NSMCE2: variants seen among roughly 807,000 people sequenced by gnomAD.
NSMCE2 encodes the protein NSE2 SUMO ligase component of SMC5/6 complex.
NSMCE2 carries 24 observed loss-of-function variants against 23.8 expected under a neutral mutation model. The observed-to-expected ratio is 1.01, with a 90% CI of 0.73 to 1.42. The LOEUF (loss-of-function observed/expected upper bound fraction) is 1.42, where lower values mean the gene tolerates loss of function less well. NSMCE2 is among the 40% of genes most tolerant of loss of function. The probability of loss-of-function intolerance (pLI) is 0.00; values close to 1 mark genes in which losing one functional copy is unlikely to be tolerated. For synonymous variants in NSMCE2, 92 were observed against 94.1 expected (o/e 0.98, Z 0.13); for missense variants, 284 against 296.5 (o/e 0.96, Z 0.31).
At chr8:125,278,173 A>G (rs1177961042) in intron 5 of NSMCE2, among the ~76,000 whole-genome samples, 1 of 152,150 alleles carries the variant, frequency 6.6e-6, no homozygotes, top group African/African-American at 2.4e-5. Flanking sequence ...GGTATTTTAC[A>G]TTATTATTTT....
intron 5 of NSMCE2, among the ~76,000 whole-genome samples, chr8:125,213,478 C>T (rs889737472): frequency 6.8e-6 from 1 of 146,416 alleles, no homozygotes; most frequent in Non-Finnish European, 1.5e-5. Flanking sequence ...CTACCTAAGG[C>T]ACCCATGTCT....
At chr8:125,260,805 G>C (rs1460664581) in intron 5 of NSMCE2, among the ~76,000 whole-genome samples, 3 of 151,548 alleles carry the variant, frequency 2.0e-5, no homozygotes, top group Non-Finnish European at 4.4e-5. Context: ...TGTATTTTTA[G>C]TAGAGGTGAG....
chr8:125,203,192 T>TAA (rs562376977), intron 5 of NSMCE2, among the ~76,000 whole-genome samples: 1 of 144,938 alleles, frequency 6.9e-6, no homozygotes, highest in Non-Finnish European at 1.5e-5. Context: ...AGTTAGCCTT[T>TAA]AAAAAAAAAA....
intron 5 of NSMCE2, among the ~76,000 whole-genome samples, chr8:125,334,462 A>T (rs967739273): frequency 2.0e-5 from 3 of 152,114 alleles, no homozygotes; most frequent in Non-Finnish European, 2.9e-5. Flanking sequence ...GCATGGGGAC[A>T]CCCATTCTGC....
At chr8:125,197,963 G>A (rs1823698057) in intron 5 of NSMCE2, among the ~76,000 whole-genome samples, 1 of 152,090 alleles carries the variant, frequency 6.6e-6, no homozygotes, top group Admixed American at 6.5e-5. Context: ...ATTGTGAATG[G>A]GAGTTCACTC....
At chr8:125,300,585 C>T (rs1315891803) in intron 5 of NSMCE2, among the ~76,000 whole-genome samples, 1 of 152,204 alleles carries the variant, frequency 6.6e-6, no homozygotes, top group Non-Finnish European at 1.5e-5. Flanking sequence ...ATTTATTGAG[C>T]ATCTCTTATT....
intron 1 of NSMCE2, among the ~76,000 whole-genome samples, chr8:125,097,756 G>A (rs1818004455): frequency 6.6e-6 from 1 of 152,124 alleles, no homozygotes; most frequent in Non-Finnish European, 1.5e-5. Flanking sequence ...GCAGAAAGGA[G>A]TTATGTTTAT....
chr8:125,179,413 C>G (rs1467912693), intron 4 of NSMCE2, among the ~76,000 whole-genome samples: 1 of 152,120 alleles, frequency 6.6e-6, no homozygotes, highest in East Asian at 1.9e-4. Flanking sequence ...ACATGATTAG[C>G]CACTCAATTT....
intron 5 of NSMCE2, among the ~76,000 whole-genome samples, chr8:125,247,580 C>G (rs898414488): frequency 6.6e-6 from 1 of 152,078 alleles, no homozygotes; most frequent in Admixed American, 6.6e-5. Flanking sequence ...TAAAAATTAG[C>G]TGGGTATGGT....
intron 7 of NSMCE2, 99 bp downstream of exon 7, chr8:125,357,917 T>A (rs1813355193): frequency 1.3e-6 from 1 of 788,560 alleles, no homozygotes; most frequent in Admixed American, 2.3e-5. Context: ...ATGTCTCTTC[T>A]AAATTCCGTT....
At chr8:125,289,031 A>G (rs955390325) in intron 5 of NSMCE2, among the ~76,000 whole-genome samples, 2 of 152,054 alleles carry the variant, frequency 1.3e-5, no homozygotes, top group Admixed American at 6.6e-5. Flanking sequence ...AGCTCAAGCA[A>G]TCCTGCCTTA....
intron 4 of NSMCE2, among the ~76,000 whole-genome samples, chr8:125,160,289 A>G (rs986720127): frequency 1.3e-5 from 2 of 152,216 alleles, no homozygotes; most frequent in Non-Finnish European, 2.9e-5. Flanking sequence ...AAGGTTGCCT[A>G]GAACGTTCTG....
intron 5 of NSMCE2, among the ~76,000 whole-genome samples, chr8:125,183,118 C>T (rs60474927): frequency 0.034 from 5,250 of 152,218 alleles, 291 homozygotes; most frequent in African/African-American, 0.12. Context: ...CATTTACACA[C>T]ACATGGAGCA....
chr8:125,143,591 C>T (rs1352280474), intron 3 of NSMCE2, among the ~76,000 whole-genome samples: 1 of 152,122 alleles, frequency 6.6e-6, no homozygotes, highest in Admixed American at 6.5e-5. Context: ...TAATAAAATG[C>T]GTGGAGTTGA....
intron 3 of NSMCE2, among the ~76,000 whole-genome samples, chr8:125,132,476 T>A (rs1366571492): frequency 6.7e-6 from 1 of 149,066 alleles, no homozygotes; most frequent in Non-Finnish European, 1.5e-5. Context: ...TTAAGACAAT[T>A]TTTAAATTAA....
At chr8:125,246,611 C>G (rs779811789) in intron 5 of NSMCE2, among the ~76,000 whole-genome samples, 4 of 152,198 alleles carry the variant, frequency 2.6e-5, no homozygotes, top group Non-Finnish European at 4.4e-5. Context: ...ATATTTATCA[C>G]TCAATACTGT....
chr8:125,105,881 A>G (rs1043506957), intron 3 of NSMCE2, among the ~76,000 whole-genome samples: 6 of 152,238 alleles, frequency 3.9e-5, no homozygotes, highest in African/African-American at 1.4e-4. Flanking sequence ...ATTTTACAGC[A>G]AATACTTGAT....
chr8:125,096,722 T>C (rs1260808756), intron 1 of NSMCE2, among the ~76,000 whole-genome samples: 2 of 149,906 alleles, frequency 1.3e-5, no homozygotes, highest in Non-Finnish European at 3.0e-5. Context: ...GCGATTCTTC[T>C]GCCTCAGCCT....
intron 5 of NSMCE2, among the ~76,000 whole-genome samples, chr8:125,204,652 T>G (rs1222300184): frequency 6.6e-6 from 1 of 152,156 alleles, no homozygotes; most frequent in Non-Finnish European, 1.5e-5. Flanking sequence ...GCACAGGGGT[T>G]TTACTTTACA....
Sources: gnomAD v4.1 joint callset for allele counts (sites outside exome capture counted in the v4.1 genomes callset) on GRCh38, gnomAD v4.1.1 for gene constraint, MANE v1.5 for transcripts, NCBI Gene and HGNC (gene_info 2026-07-23, HGNC 2026-07-21) for gene names.